The following CPQ variants were observed in gnomAD, a reference collection of about 807,000 sequenced individuals.
The protein encoded by CPQ is Ser-Met dipeptidase.
In CPQ, 37 loss-of-function variants were observed where a neutral mutation model predicts 45.7. The observed-to-expected ratio is 0.81, with a 90% CI of 0.62 to 1.07. The LOEUF is 1.07. Ranked by LOEUF, CPQ falls within the 50% of genes least tolerant of loss-of-function variation. The pLI is 0.00. For synonymous variants in CPQ, 186 were observed against 205.8 expected (o/e 0.90, Z 0.82); for missense variants, 537 against 572.9 (o/e 0.94, Z 0.64).
chr8:96,834,416 A>C (rs531842159), intron 2 of CPQ, among the ~76,000 whole-genome samples: 3 of 152,352 alleles, frequency 2.0e-5, no homozygotes, highest in East Asian at 3.9e-4. Context: ...AGGAAAGCTT[A>C]CTTTTTGTGG....
chr8:96,760,045 G>T (rs1563490015), intron 1 of CPQ, among the ~76,000 whole-genome samples: 1 of 152,110 alleles, frequency 6.6e-6, no homozygotes. Flanking sequence ...CTGATTTCAG[G>T]CCTCAGCCCT....
chr8:96,710,813 A>G (rs1319330544), intron 1 of CPQ, among the ~76,000 whole-genome samples: 1 of 152,176 alleles, frequency 6.6e-6, no homozygotes, highest in African/African-American at 2.4e-5. Flanking sequence ...AGAAGAATGT[A>G]TATTCTGCAA....
chr8:97,065,963 C>A, intron 6 of CPQ, 46 bp from the exon 7 acceptor site: 4 of 1,567,694 alleles, frequency 2.6e-6, no homozygotes, highest in East Asian at 2.3e-5. Flanking sequence ...AAGGAGAAAG[C>A]ACTGAAGCAA....
intron 7 of CPQ, among the ~76,000 whole-genome samples, chr8:97,122,760 C>T (rs1228361294): frequency 6.6e-6 from 1 of 151,042 alleles, no homozygotes; most frequent in African/African-American, 2.4e-5. Context: ...TGGCGTGCAC[C>T]TGTAATCCCA....
chr8:97,081,886 T>C (rs1810956558), intron 7 of CPQ, among the ~76,000 whole-genome samples: 1 of 152,176 alleles, frequency 6.6e-6, no homozygotes, highest in Non-Finnish European at 1.5e-5. Context: ...GGAACCTCAA[T>C]TTCTTCCTAA....
In CPQ at chr8:96,879,837, C is replaced by T. The variant is rs374279890; in HGVS notation, c.681C>T (p.Pro227=). 3.7e-6 allele frequency: 6 copies of T among 1,613,882 alleles called. No homozygotes were observed. In the African/African-American group the frequency reaches 5.3e-5, roughly 14 times the overall value. ...TTCAGGAATACCAGGATGGCGTGCC[C>T]AAGATTCCAACAGCCTGTATTACGG... ...TGIQEYQDGV[P]KIPTACITVE... Residue 227 remains proline, a synonymous_variant, in exon 4 of 8, where the codon CCC becomes CCT. Transcript: ENST00000220763.
chr8:96,861,462 T>A (rs901073524), intron 3 of CPQ, among the ~76,000 whole-genome samples: 1 of 152,050 alleles, frequency 6.6e-6, no homozygotes, highest in Non-Finnish European at 1.5e-5. Flanking sequence ...GCTTACAAGA[T>A]CTTCTATTTC....
chr8:96,713,024 C>A (rs1190966297), intron 1 of CPQ, among the ~76,000 whole-genome samples: 1 of 152,150 alleles, frequency 6.6e-6, no homozygotes, highest in East Asian at 1.9e-4. Context: ...ATCTCTGGGG[C>A]AGGGGCAAAA....
intron 5 of CPQ, among the ~76,000 whole-genome samples, chr8:97,012,453 G>A (rs1182273875): frequency 2.0e-5 from 3 of 152,126 alleles, no homozygotes; most frequent in Non-Finnish European, 4.4e-5. Flanking sequence ...TGGTTTTAAG[G>A]TTTGAGGACG....
chr8:97,036,314 G>A (rs907821780), intron 6 of CPQ, among the ~76,000 whole-genome samples: 3 of 152,062 alleles, frequency 2.0e-5, no homozygotes, highest in African/African-American at 7.2e-5. Context: ...AGGGAGAGGG[G>A]AAAAGTCCAG....
rs780792427 is a variant in CPQ at position 97,065,989 on chromosome 8, C to T, written c.1054-20C>T. ...ACTGAAGCAACAGATAAGAACCAAA[C>T]AATTTTCTCTTGTGTTTAGGTAAAT... On this transcript the variant is annotated intron_variant, in intron 6 of 7. Coordinates refer to ENST00000220763, the MANE Select transcript of CPQ (RefSeq NM_016134.4). 5.6e-6 allele frequency: 9 copies of T among 1,607,776 alleles called. No homozygotes were observed. Among genetic ancestry groups the T allele is most frequent in the Non-Finnish European group, 7.6e-6 (9 of 1,177,856 alleles).
intron 1 of CPQ, among the ~76,000 whole-genome samples, chr8:96,646,806 C>T (rs1175438378): frequency 6.6e-6 from 1 of 152,204 alleles, no homozygotes; most frequent in Non-Finnish European, 1.5e-5. Flanking sequence ...GTTCTGCTTA[C>T]TTCACCTCCC....
At position 96,877,418 on chromosome 8, in the gene CPQ, C is replaced by G. The variant is rs138756772; in HGVS notation, c.642-2380C>G. Among the ~76,000 whole-genome samples, 34 of 152,226 alleles carry G rather than the reference C, an allele frequency of 2.2e-4. 1 individual carries two copies. The highest frequency in any genetic ancestry group is 7.9e-4 in the Admixed American group (12 of 15,280). ...TGTCTAGAAACACTACTTAAAAGAG[C>G]CTGTTAAGAAGTGTTATACTGACCT... On this transcript the variant is annotated intron_variant, in intron 3 of 7. Transcript: ENST00000220763.
intron 1 of CPQ, among the ~76,000 whole-genome samples, chr8:96,719,342 C>T (rs1346280839): frequency 1.3e-5 from 2 of 152,258 alleles, no homozygotes; most frequent in African/African-American, 2.4e-5. Flanking sequence ...CTAAGTTCCT[C>T]ATTGCCCAGG....
At chr8:97,100,542 T>A (rs1811285632) in intron 7 of CPQ, among the ~76,000 whole-genome samples, 1 of 152,190 alleles carries the variant, frequency 6.6e-6, no homozygotes, top group African/African-American at 2.4e-5. Flanking sequence ...TAGACATCTA[T>A]CTGGTTTTGT....
Position 96,835,164 on chromosome 8 carries a change from T to G in CPQ, c.625T>G (p.Ser209Ala), listed in dbSNP as rs1186884917. The change falls in exon 3 of 8, where the codon TCC becomes GCC. Residue 209 changes from serine (S) to alanine (A), a missense_variant. By Grantham distance (99) the Ser-to-Ala change is moderately conservative. Transcript: ENST00000220763. Reference sequence around the variant, plus strand: ...GGCATCTCTCATTCGATCCGTGGCCTCCTTCTCCATCTACAGGTTTGTCAC... The same window carrying G: ...GGCATCTCTCATTCGATCCGTGGCCGCCTTCTCCATCTACAGGTTTGTCAC... The part of the protein sequence containing the change: ...ALASLIRSVA[S>A]FSIYSPHTGI... 1 of 1,506,614 alleles carries G rather than the reference T, an allele frequency of 6.6e-7. No homozygotes were observed. Among genetic ancestry groups the G allele is most frequent in the Admixed American group, 2.1e-5 (1 of 47,294 alleles). 93.3% of individuals were successfully genotyped at this position (1,506,614 alleles called of 1,614,324 possible).
chr8:96,940,737 T>C (rs2853259), intron 4 of CPQ, among the ~76,000 whole-genome samples: 55,307 of 152,116 alleles, frequency 0.36, 10,102 homozygotes, highest in South Asian at 0.42. Flanking sequence ...TTACTCATTG[T>C]AGTGTAGGAA....
At chr8:96,948,346 T>C (rs1813217087) in intron 4 of CPQ, among the ~76,000 whole-genome samples, 1 of 152,126 alleles carries the variant, frequency 6.6e-6, no homozygotes, top group African/African-American at 2.4e-5. Context: ...ATATTGTGTT[T>C]TCATTTGTTT....
intron 7 of CPQ, among the ~76,000 whole-genome samples, chr8:97,107,269 C>G (rs867133310): frequency 6.6e-6 from 1 of 152,192 alleles, no homozygotes; most frequent in Non-Finnish European, 1.5e-5. Context: ...TCATAAGAAT[C>G]TGGAAAAGCA....
Sources: allele counts gnomAD v4.1 joint callset (sites outside exome capture counted in the v4.1 genomes callset), GRCh38; gene constraint gnomAD v4.1.1; transcripts MANE v1.5; gene names NCBI Gene and HGNC (gene_info 2026-07-23, HGNC 2026-07-21).